Variants in XKR6 observed in about 807,000 individuals in gnomAD.
XKR6 encodes XK-related protein 6.
A neutral mutation model predicts 56.7 loss-of-function variants in XKR6; 22 were observed. The ratio of observed to expected loss-of-function variants is 0.39; its 90% CI spans 0.28 to 0.55. The LOEUF (loss-of-function observed/expected upper bound fraction) is 0.55. XKR6 is among the 20% of genes least tolerant of loss of function. The probability of loss-of-function intolerance (pLI) is 0.66; values close to 1 mark genes in which losing one functional copy is unlikely to be tolerated. For synonymous variants in XKR6, 524 were observed against 387.8 expected (o/e 1.35, Z -4.13); for missense variants, 852 against 889.0 (o/e 0.96, Z 0.53).
intron 1 of XKR6, among the ~76,000 whole-genome samples, chr8:11,082,304 A>T (rs1010009483): frequency 3.3e-5 from 5 of 152,190 alleles, no homozygotes; most frequent in Non-Finnish European, 7.4e-5. Flanking sequence ...GCTCAATATC[A>T]TGTGCAATCA....
chr8:11,130,664 C>G (rs1459626845), intron 1 of XKR6, among the ~76,000 whole-genome samples: 1 of 151,644 alleles, frequency 6.6e-6, no homozygotes, highest in Non-Finnish European at 1.5e-5. Flanking sequence ...TGTAAAAGGC[C>G]ACTCAGGAGC....
chr8:11,012,742 G>A (rs1451408838), intron 1 of XKR6, among the ~76,000 whole-genome samples: 5 of 151,410 alleles, frequency 3.3e-5, no homozygotes, highest in African/African-American at 1.2e-4. Flanking sequence ...TCCTGGCCCC[G>A]ATGTAACACA....
intron 1 of XKR6, among the ~76,000 whole-genome samples, chr8:10,979,875 C>G (rs1231922043): frequency 6.6e-6 from 1 of 152,196 alleles, no homozygotes; most frequent in African/African-American, 2.4e-5. Flanking sequence ...AGAGTGGTCT[C>G]TGGTCCTCTT....
chr8:11,173,991 T>A (rs1253003956), intron 1 of XKR6, among the ~76,000 whole-genome samples: 1 of 152,244 alleles, frequency 6.6e-6, no homozygotes, highest in Non-Finnish European at 1.5e-5. Context: ...TTTCACAATT[T>A]ATTCTATGCA....
intron 1 of XKR6, among the ~76,000 whole-genome samples, chr8:11,145,321 T>G (rs1322589250): frequency 6.6e-6 from 1 of 152,162 alleles, no homozygotes; most frequent in Non-Finnish European, 1.5e-5. Context: ...GGACTCAGTC[T>G]GCACCAGAAA....
intron 1 of XKR6, among the ~76,000 whole-genome samples, chr8:11,072,981 C>T (rs889482880): frequency 1.3e-5 from 2 of 151,836 alleles, no homozygotes; most frequent in Middle Eastern, 3.2e-3. Context: ...ACCTGGGAGG[C>T]GGAGGGTGCA....
intron 1 of XKR6, among the ~76,000 whole-genome samples, chr8:11,166,479 A>G (rs1802079558): frequency 2.0e-5 from 3 of 152,228 alleles, no homozygotes. Flanking sequence ...GGATTTTGTT[A>G]TAGCAGCCGT....
intron 1 of XKR6, among the ~76,000 whole-genome samples, chr8:11,094,643 G>A (rs1351133018): frequency 6.6e-6 from 1 of 152,142 alleles, no homozygotes; most frequent in Non-Finnish European, 1.5e-5. Context: ...GGGGCTGGTG[G>A]GACCGACATC....
intron 1 of XKR6, among the ~76,000 whole-genome samples, chr8:11,171,597 T>G (rs866509528): frequency 1.8e-4 from 28 of 152,208 alleles, no homozygotes; most frequent in Admixed American, 5.9e-4. Context: ...GGCTCTCTCC[T>G]GCTTTCCTTC....
intron 1 of XKR6, among the ~76,000 whole-genome samples, chr8:10,963,950 C>G (rs941759874): frequency 6.6e-5 from 10 of 152,206 alleles, no homozygotes; most frequent in African/African-American, 2.4e-4. Context: ...CAAGTTAATT[C>G]ACTGCCCTGA....
intron 1 of XKR6, among the ~76,000 whole-genome samples, chr8:11,090,357 G>A (rs923464539): frequency 8.6e-5 from 13 of 151,876 alleles, no homozygotes; most frequent in Non-Finnish European, 1.5e-5. Context: ...CAAAGTGTTG[G>A]GATTACAGGT....
chr8:11,183,620 G>T (rs867222247), intron 1 of XKR6, among the ~76,000 whole-genome samples: 39 of 152,042 alleles, frequency 2.6e-4, no homozygotes, highest in African/African-American at 6.5e-4. Context: ...AGCACACCTG[G>T]CTTATTTTCT....
At chr8:11,039,168 T>C (rs1243369674) in intron 1 of XKR6, among the ~76,000 whole-genome samples, 1 of 152,190 alleles carries the variant, frequency 6.6e-6, no homozygotes, top group South Asian at 2.1e-4. Flanking sequence ...CCCACTCAGC[T>C]GCCCTAGAAA....
chr8:11,125,597 C>T (rs983940877), intron 1 of XKR6, among the ~76,000 whole-genome samples: 4 of 152,142 alleles, frequency 2.6e-5, no homozygotes, highest in African/African-American at 9.7e-5. Flanking sequence ...CCTATACACT[C>T]TAACTGAAAT....
intron 1 of XKR6, chr8:11,109,374 T>C (rs1383491721): frequency 6.6e-6 from 1 of 152,234 alleles, no homozygotes; most frequent in Non-Finnish European, 1.5e-5. Context: ...TATTTTTAGC[T>C]AAGTTAATCT....
intron 1 of XKR6, among the ~76,000 whole-genome samples, chr8:11,118,834 T>G (rs1586570588): frequency 6.6e-6 from 1 of 152,348 alleles, no homozygotes; most frequent in African/African-American, 2.4e-5. Context: ...TCTTAGTTAT[T>G]TCTTGCCTTC....
intron 1 of XKR6, among the ~76,000 whole-genome samples, chr8:11,197,895 A>G (rs539733760): frequency 6.6e-6 from 1 of 152,326 alleles, no homozygotes; most frequent in Admixed American, 6.5e-5. Flanking sequence ...CTATAACCAA[A>G]TAATTTTACA....
intron 1 of XKR6, among the ~76,000 whole-genome samples, chr8:11,164,622 A>C (rs1801980218): frequency 6.6e-6 from 1 of 152,246 alleles, no homozygotes; most frequent in African/African-American, 2.4e-5. Flanking sequence ...CAATCAATAA[A>C]CAAACACACG....
At chr8:10,952,228 G>A (rs912896120) in intron 1 of XKR6, among the ~76,000 whole-genome samples, 11 of 152,148 alleles carry the variant, frequency 7.2e-5, no homozygotes, top group Non-Finnish European at 1.5e-4. Flanking sequence ...TCCCCGTGAC[G>A]TTCCCGCTCT....
Sources: gnomAD v4.1 joint callset for allele counts (sites outside exome capture counted in the v4.1 genomes callset) on GRCh38, gnomAD v4.1.1 for gene constraint, MANE v1.5 for transcripts, NCBI Gene and HGNC (gene_info 2026-07-23, HGNC 2026-07-21) for gene names.